The following NME7 variants were observed in gnomAD, a reference collection of about 807,000 sequenced individuals.
The protein encoded by NME7 is NME/NM23 family member 7.
In NME7, 41 loss-of-function variants were observed where a neutral mutation model predicts 49.1. That is an observed-to-expected ratio of 0.83 (90% CI 0.65 to 1.08). The LOEUF (loss-of-function observed/expected upper bound fraction) is 1.08, where lower values mean the gene tolerates loss of function less well. Among genes scored for constraint, NME7 ranks in the 50% least tolerant of loss-of-function variants. The pLI, the probability that NME7 is intolerant of heterozygous loss-of-function variation, is 0.00. For missense variants in NME7, 423 were observed against 463.4 expected, an observed-to-expected ratio of 0.91 and a Z score of 0.80; for synonymous variants, 139 against 150.6, an observed-to-expected ratio of 0.92 and a Z score of 0.56.
At chr1:169,148,348 C>T (rs1380655140) in intron 11 of NME7, among the ~76,000 whole-genome samples, 2 of 152,164 alleles carry the variant, frequency 1.3e-5, no homozygotes, top group Admixed American at 1.3e-4. Flanking sequence ...CTTCTCAATA[C>T]ATGTGCTCTT....
At chr1:169,309,586 C>T (rs755971218) in intron 4 of NME7, among the ~76,000 whole-genome samples, 20 of 152,164 alleles carry the variant, frequency 1.3e-4, no homozygotes, top group Non-Finnish European at 2.4e-4. Flanking sequence ...TATTGCTCCT[C>T]TTGCTTTTCA....
chr1:169,225,750 G>C (rs1001298698), intron 10 of NME7, among the ~76,000 whole-genome samples: 1 of 151,916 alleles, frequency 6.6e-6, no homozygotes, highest in Non-Finnish European at 1.5e-5. Flanking sequence ...TAGAGAGACC[G>C]AAAAAAATTT....
At chr1:169,236,111 TCTG>T (rs1647849239) in intron 8 of NME7, among the ~76,000 whole-genome samples, 1 of 152,168 alleles carries the variant, frequency 6.6e-6, no homozygotes, top group Admixed American at 6.6e-5. Flanking sequence ...GGGAGGAAAT[TCTG>T]TTGGATTTCA....
intron 6 of NME7, among the ~76,000 whole-genome samples, chr1:169,296,787 C>G (rs527787398): frequency 6.6e-6 from 1 of 152,146 alleles, no homozygotes; most frequent in South Asian, 2.1e-4. Context: ...GTATCTTTTT[C>G]TCATACTCTA....
At chr1:169,319,326 A>G (rs1226077856) in intron 3 of NME7, among the ~76,000 whole-genome samples, 2 of 152,218 alleles carry the variant, frequency 1.3e-5, no homozygotes, top group African/African-American at 4.8e-5. Context: ...ATGTTCATCC[A>G]TAAGAATTGT....
At chr1:169,330,569 T>C (rs1374339012) in intron 1 of NME7, among the ~76,000 whole-genome samples, 16 of 151,960 alleles carry the variant, frequency 1.1e-4, no homozygotes, top group Non-Finnish European at 1.5e-5. Context: ...GTCCCAGCTA[T>C]TTGAGAGTCT....
At chr1:169,183,296 T>C (rs1659975727) in intron 10 of NME7, among the ~76,000 whole-genome samples, 1 of 152,236 alleles carries the variant, frequency 6.6e-6, no homozygotes, top group Non-Finnish European at 1.5e-5. Context: ...CAATTCACTC[T>C]AAACATGAGA....
At chr1:169,259,837 G>T (rs1201362233) in intron 7 of NME7, among the ~76,000 whole-genome samples, 1 of 133,912 alleles carries the variant, frequency 7.5e-6, no homozygotes, top group African/African-American at 2.5e-5. Flanking sequence ...GGAGAAGAAA[G>T]TCTGTGGCAC....
At chr1:169,318,489 AT>A (rs1229673877) in intron 3 of NME7, among the ~76,000 whole-genome samples, 1 of 152,242 alleles carries the variant, frequency 6.6e-6, no homozygotes, top group East Asian at 1.9e-4. Flanking sequence ...TAAAATACAT[AT>A]GGAACTCAAG....
At chr1:169,330,694 T>TA (rs200758029) in intron 1 of NME7, among the ~76,000 whole-genome samples, 1 of 151,756 alleles carries the variant, frequency 6.6e-6, no homozygotes, top group Non-Finnish European at 1.5e-5. Context: ...AATAAATAAA[T>TA]AAAATCCATT....
At chr1:169,225,186 GCAA>G (rs1647279066) in intron 10 of NME7, among the ~76,000 whole-genome samples, 1 of 152,110 alleles carries the variant, frequency 6.6e-6, no homozygotes, top group Admixed American at 6.5e-5. Context: ...TCAGCTCACT[GCAA>G]CCTCCACCTC....
At chr1:169,228,036 G>A (rs1354042458) in intron 10 of NME7, among the ~76,000 whole-genome samples, 1 of 124,490 alleles carries the variant, frequency 8.0e-6, no homozygotes, top group Non-Finnish European at 1.7e-5. Context: ...ATAATTATGT[G>A]TGTATACACA....
At chr1:169,138,434 G>A (rs112940867) in intron 11 of NME7, among the ~76,000 whole-genome samples, 97 of 152,234 alleles carry the variant, frequency 6.4e-4, no homozygotes, top group African/African-American at 2.2e-3. Flanking sequence ...TCAAGGCCAG[G>A]TGCAGTGGCT....
intron 10 of NME7, among the ~76,000 whole-genome samples, chr1:169,174,290 C>T (rs560818011): frequency 2.3e-4 from 35 of 152,268 alleles, no homozygotes; most frequent in Middle Eastern, 3.4e-3. Context: ...TTGAATAGGT[C>T]TATCAGATTG....
At chr1:169,314,660 A>G (rs1455361409) in intron 3 of NME7, among the ~76,000 whole-genome samples, 1 of 152,132 alleles carries the variant, frequency 6.6e-6, no homozygotes, top group East Asian at 1.9e-4. Context: ...TGGATTTTAA[A>G]GCCTAGATGA....
intron 10 of NME7, among the ~76,000 whole-genome samples, chr1:169,182,187 A>AAAAAAAC (rs1165083938): frequency 2.0e-5 from 3 of 149,394 alleles, no homozygotes; most frequent in Middle Eastern, 3.2e-3. Flanking sequence ...AAAAAAAAAA[A>AAAAAAAC]AACAACTCTG....
At chr1:169,316,654 T>C (rs1467434990) in intron 3 of NME7, among the ~76,000 whole-genome samples, 1 of 152,142 alleles carries the variant, frequency 6.6e-6, no homozygotes, top group Non-Finnish European at 1.5e-5. Context: ...ACCAGAGAGA[T>C]GTCAGTGTGA....
chr1:169,188,585 T>C (rs904246339), intron 10 of NME7, among the ~76,000 whole-genome samples: 1 of 152,202 alleles, frequency 6.6e-6, no homozygotes, highest in Non-Finnish European at 1.5e-5. Flanking sequence ...CATGTGGACA[T>C]ACAATAACCA....
chr1:169,358,626 T>A (rs1211565428), intron 1 of NME7, among the ~76,000 whole-genome samples: 1 of 152,088 alleles, frequency 6.6e-6, no homozygotes, highest in Non-Finnish European at 1.5e-5. Flanking sequence ...CAAAGAAATA[T>A]TGTAGGTAAG....
Sources: gnomAD v4.1 joint callset for allele counts (sites outside exome capture counted in the v4.1 genomes callset) on GRCh38, gnomAD v4.1.1 for gene constraint, MANE v1.5 for transcripts, NCBI Gene and HGNC (gene_info 2026-07-23, HGNC 2026-07-21) for gene names.